TOR3A: variants seen among roughly 807,000 people sequenced by gnomAD.
TOR3A encodes the protein torsin family 3 member A, also known as torsin-3A.
In TOR3A, 44 loss-of-function variants were observed where a neutral mutation model predicts 42.1. The ratio of observed to expected loss-of-function variants is 1.04; its 90% CI spans 0.82 to 1.34. TOR3A has a LOEUF of 1.34. Among genes scored for constraint, TOR3A ranks in the 40% most tolerant of loss-of-function variants. The pLI is 0.00. For missense variants in TOR3A, 521 were observed against 507.6 expected (o/e 1.03, Z -0.25); for synonymous variants, 227 against 213.2 (o/e 1.06, Z -0.57).
rs200027231 is a variant in TOR3A, at chr1:179,095,069, G to T, written c.1045G>T (p.Asp349Tyr). The change falls in exon 6 of 6, where the codon GAT becomes TAT. Residue 349 changes from aspartate to tyrosine, a missense_variant. By Grantham distance (160) the Asp-to-Tyr change is radical. Coordinates refer to ENST00000367627, the MANE Select transcript of TOR3A (RefSeq NM_022371.4). ...CCGTCACGTGAGGCTGTGTGCACGG[G>T]ATGCCTTCCTGAGCCAGGAGCTCCT... ...EYRHVRLCARDAFLSQELLYK... is the reference protein window; with the variant it reads ...EYRHVRLCARYAFLSQELLYK... 5.0e-6 allele frequency: 8 copies of T among 1,614,210 alleles called. No individual in the cohort carries two copies. Among genetic ancestry groups the T allele is most frequent in the Non-Finnish European group, 5.9e-6 (7 of 1,180,046 alleles).
At chr1:179,092,154 C>T (rs185951633) in intron 4 of TOR3A, among the ~76,000 whole-genome samples, 2 of 152,314 alleles carry the variant, frequency 1.3e-5, no homozygotes, top group East Asian at 1.9e-4. Flanking sequence ...CAGGGAAGGA[C>T]GCCTGCCCAG....
Position 179,083,132 on chromosome 1 carries a change from G to C in TOR3A, c.373+79G>C, listed in dbSNP as rs1453788559. On this transcript the variant is annotated intron_variant, in intron 2 of 5. Transcript: ENST00000367627. ...TCCAGGGGAAATGGTTAGATGCAAGGGACCTTTCGTCATCCTGCCCAGCCT... is the reference window on the plus strand; with the variant it reads ...TCCAGGGGAAATGGTTAGATGCAAGCGACCTTTCGTCATCCTGCCCAGCCT... The C allele has an allele frequency of 8.3e-6, 7 of 839,770 alleles. No individual in the cohort carries two copies. In the African/African-American group the frequency reaches 1.1e-4, roughly 13 times the overall value. 52.0% of individuals were successfully genotyped at this position (839,770 alleles called of 1,614,324 possible). A position where few individuals can be genotyped will look rare whatever the true frequency, so the allele number is the denominator to read the frequency against.
intron 4 of TOR3A, 107 bp downstream of exon 4, chr1:179,088,196 A>G: frequency 8.2e-7 from 1 of 1,212,180 alleles, no homozygotes; most frequent in South Asian, 1.7e-5. Context: ...CTCAAGAAAA[A>G]ACAGCACAAA....
chr1:179,087,041 C>CT (rs1365157773), intron 3 of TOR3A, among the ~76,000 whole-genome samples: 2 of 152,202 alleles, frequency 1.3e-5, no homozygotes, highest in African/African-American at 2.4e-5. Flanking sequence ...GGCAAGACTG[C>CT]TGCAGCCCCA....
chr1:179,088,093 G>A lies in TOR3A; in HGVS notation c.818+4G>A, dbSNP rs1286781626. 2 of 1,571,144 alleles carry A rather than the reference G, an allele frequency of 1.3e-6. No homozygotes were observed. The highest frequency in any genetic ancestry group is 2.3e-5 in the East Asian group (1 of 43,870). On this transcript the variant is annotated splice_donor_region_variant and intron_variant, in intron 4 of 5. Coordinates refer to ENST00000367627, the MANE Select transcript of TOR3A (RefSeq NM_022371.4). ...GGACTATCTTTCTGTTTCTCAGGTGGGTTCTGGGGAACAATAGTCAGGAGG... is the reference window on the plus strand; with the variant it reads ...GGACTATCTTTCTGTTTCTCAGGTGAGTTCTGGGGAACAATAGTCAGGAGG...
chr1:179,094,961 C>T lies in TOR3A; in HGVS notation c.944-7C>T. On this transcript the variant is annotated splice_polypyrimidine_tract_variant and splice_region_variant and intron_variant, in intron 5 of 5. Transcript: ENST00000367627. ...CAGACTCCATGTAACTTTGGTCTTG[C>T]TTTCAGACAATGGCTTTGGCCACAG... 6.2e-7 allele frequency: 1 copy of T among 1,614,122 alleles called. No homozygotes were observed. Among genetic ancestry groups the T allele is most frequent in the Non-Finnish European group, 8.5e-7 (1 of 1,179,992 alleles).
chr1:179,094,959 T>C lies in TOR3A; in HGVS notation c.944-9T>C. The C allele has an allele frequency of 2.5e-6, 4 of 1,614,148 alleles. No individual in the cohort carries two copies. The highest frequency in any genetic ancestry group is 3.4e-6 in the Non-Finnish European group (4 of 1,180,008). ...GTCAGACTCCATGTAACTTTGGTCT[T>C]GCTTTCAGACAATGGCTTTGGCCAC... On this transcript the variant is annotated splice_polypyrimidine_tract_variant and intron_variant, in intron 5 of 5. Coordinates refer to ENST00000367627, the MANE Select transcript of TOR3A (RefSeq NM_022371.4).
Position 179,095,446 on chromosome 1 carries a change from T to G in TOR3A, c.*228T>G, listed in dbSNP as rs993166618. ...CACCGAGATAGATAGGAACTTGGAT[T>G]GCTGAATTCAAAAACAGAGCCCATT... On this transcript the variant is annotated 3_prime_UTR_variant, in exon 6 of 6. Coordinates refer to ENST00000367627, the MANE Select transcript of TOR3A (RefSeq NM_022371.4). The G allele has an allele frequency of 1.7e-4, 232 of 1,386,722 alleles. No homozygotes were observed. The highest frequency in any genetic ancestry group is 2.8e-4 in the Admixed American group (9 of 32,546). 85.9% of individuals were successfully genotyped at this position (1,386,722 alleles called of 1,614,324 possible). A position where few individuals can be genotyped will look rare whatever the true frequency, so the allele number is the denominator to read the frequency against.
Position 179,088,206 on chromosome 1 carries a change from ACT to A in TOR3A, c.818+120_818+121del, listed in dbSNP as rs2102543923. On this transcript the variant is annotated intron_variant, in intron 4 of 5. Transcript: ENST00000367627. ...CTTTCCTCAAGAAAAAACAGCACAA[ACT>A]CTGGTACAGAAAGCAGCAGCCAGCT... is the stretch of plus-strand genomic sequence containing the variant. 2.2e-5 allele frequency: 25 copies of A among 1,131,152 alleles called. 2 individuals are homozygous for A. In the South Asian group the frequency reaches 4.3e-4, roughly 19 times the overall value. 70.1% of individuals were successfully genotyped at this position (1,131,152 alleles called of 1,614,324 possible). A position where few individuals can be genotyped will look rare whatever the true frequency, so the allele number is the denominator to read the frequency against.
rs144467733 is a variant in TOR3A, at chr1:179,088,463, G to C, written c.818+374G>C. 420 of 155,920 alleles carry C rather than the reference G, an allele frequency of 2.7e-3. 5 individuals carry two copies. Among genetic ancestry groups the C allele is most frequent in the African/African-American group, 9.8e-3 (410 of 41,674 alleles). 9.7% of individuals were successfully genotyped at this position (155,920 alleles called of 1,614,324 possible). A position where few individuals can be genotyped will look rare whatever the true frequency, so the allele number is the denominator to read the frequency against. ...GTGGGGGTTGCAGTGAGCTGAGATC[G>C]GGCCACTGCACTCCAATCTGGGTGA... is the stretch of plus-strand genomic sequence containing the variant. On this transcript the variant is annotated intron_variant, in intron 4 of 5. Coordinates refer to ENST00000367627, the MANE Select transcript of TOR3A (RefSeq NM_022371.4).
At chr1:179,093,001 T>C (rs1291619960) in intron 4 of TOR3A, among the ~76,000 whole-genome samples, 3 of 152,040 alleles carry the variant, frequency 2.0e-5, no homozygotes, top group Admixed American at 1.3e-4. Context: ...TGAGACTGTC[T>C]CCAAAAAGAG....
At chr1:179,082,690 GC>G (rs1320588478) in intron 1 of TOR3A, 1 of 704,338 alleles carries the variant, frequency 1.4e-6, no homozygotes, top group Middle Eastern at 2.3e-4. Flanking sequence ...GCCCACCCTG[GC>G]GTTATTCGAA....
At chr1:179,091,354 G>A (rs981424886) in intron 4 of TOR3A, among the ~76,000 whole-genome samples, 2 of 152,212 alleles carry the variant, frequency 1.3e-5, no homozygotes, top group African/African-American at 4.8e-5. Flanking sequence ...GACAGTGTCT[G>A]TCTAAAGGTA....
chr1:179,086,678 A>G (rs1416170218), intron 3 of TOR3A, among the ~76,000 whole-genome samples: 1 of 152,052 alleles, frequency 6.6e-6, no homozygotes, highest in Non-Finnish European at 1.5e-5. Flanking sequence ...AAAAAAAAAA[A>G]AAAAAGAAAA....
At chr1:179,090,727 G>A (rs954972271) in intron 4 of TOR3A, among the ~76,000 whole-genome samples, 3 of 152,120 alleles carry the variant, frequency 2.0e-5, no homozygotes, top group African/African-American at 7.2e-5. Context: ...CACCAGGAAA[G>A]TAACATTACT....
chr1:179,083,109 C>A (rs778847166), intron 2 of TOR3A, 56 bp downstream of exon 2: 6 of 1,112,728 alleles, frequency 5.4e-6, no homozygotes, highest in Non-Finnish European at 7.5e-6. Context: ...GGAGGCAGTC[C>A]AGGGGAAATG....
Position 179,082,104 on chromosome 1 carries a change from A to G in TOR3A, c.-25A>G, listed in dbSNP as rs535429860. The stretch of plus-strand genomic sequence containing the variant: ...GGAGCCTGGCTAGGCCGGCAGCCGG[A>G]TGGTCCCGCAGCTCGGGGCCGGCCA... On this transcript the variant is annotated 5_prime_UTR_variant, in exon 1 of 6. The change abolishes an upstream ATG in the 5' untranslated region. Coordinates refer to ENST00000367627, the MANE Select transcript of TOR3A (RefSeq NM_022371.4). 14 of 1,445,916 alleles carry G rather than the reference A, an allele frequency of 9.7e-6. No individual in the cohort carries two copies. The African/African-American group carries it at 1.9e-4, about 20-fold the overall frequency. The allele number at this position is 1,445,916 out of a possible 1,614,324, so 89.6% of individuals were successfully genotyped here.
At chr1:179,090,811 G>A (rs374058890) in intron 4 of TOR3A, among the ~76,000 whole-genome samples, 8 of 152,232 alleles carry the variant, frequency 5.3e-5, no homozygotes, top group Admixed American at 1.3e-4. Context: ...GGAACTCTGC[G>A]ATCGGAGCTG....
intron 4 of TOR3A, among the ~76,000 whole-genome samples, chr1:179,089,796 G>A (rs1045760709): frequency 6.6e-6 from 1 of 152,058 alleles, no homozygotes; most frequent in Non-Finnish European, 1.5e-5. Context: ...ACCCAGCCTC[G>A]GGCCTCCCTT....
Sources: gnomAD v4.1 joint callset for allele counts (sites outside exome capture counted in the v4.1 genomes callset) on GRCh38, gnomAD v4.1.1 for gene constraint, MANE v1.5 for transcripts, NCBI Gene and HGNC (gene_info 2026-07-23, HGNC 2026-07-21) for gene names.